Variants in PCDHA10 observed in about 807,000 individuals in gnomAD.
PCDHA10 encodes the protein protocadherin alpha-10.
Under a neutral mutation model 61.2 loss-of-function variants are expected in PCDHA10, and 45 were observed. That is an observed-to-expected ratio of 0.74 (90% CI 0.58 to 0.94). PCDHA10 has a LOEUF of 0.94. Ranked by LOEUF, PCDHA10 falls within the 40% of genes least tolerant of loss-of-function variation. PCDHA10 has a pLI of 0.00. For synonymous variants in PCDHA10, 602 were observed against 548.8 expected (o/e 1.10, Z -1.35); for missense variants, 1,278 against 1,236.2 (o/e 1.03, Z -0.51).
chr5:140,871,445 A>C, intron 1 of PCDHA10: 1 of 1,609,986 alleles, frequency 6.2e-7, no homozygotes, highest in Non-Finnish European at 8.5e-7. Flanking sequence ...GGTCTGAATA[A>C]AGAGGAGGAA....
At chr5:140,877,909 C>G in intron 1 of PCDHA10, 4 of 1,432,580 alleles carry the variant, frequency 2.8e-6, no homozygotes, top group Non-Finnish European at 3.7e-6. Context: ...TAACTACATT[C>G]TCTCATTTTT....
At chr5:140,969,260 C>G (rs782595245) in intron 1 of PCDHA10, 1 of 1,614,228 alleles carries the variant, frequency 6.2e-7, no homozygotes, top group South Asian at 1.1e-5. Context: ...CAGCAGGAAT[C>G]TCACAGGCCA....
intron 1 of PCDHA10, among the ~76,000 whole-genome samples, chr5:140,871,851 A>G (rs561924103): frequency 6.6e-6 from 1 of 152,382 alleles, no homozygotes; most frequent in East Asian, 1.9e-4. Flanking sequence ...AATTATGACC[A>G]TAATAACTAT....
chr5:140,893,433 G>A (rs1441735373), intron 1 of PCDHA10, among the ~76,000 whole-genome samples: 3 of 152,006 alleles, frequency 2.0e-5, no homozygotes, highest in African/African-American at 4.8e-5. Context: ...CAGGAAGATC[G>A]CTTGAAGCCA....
intron 1 of PCDHA10, chr5:140,870,349 A>G (rs1554164130): frequency 6.2e-7 from 1 of 1,614,154 alleles, no homozygotes; most frequent in Non-Finnish European, 8.5e-7. Context: ...GGACCGCGAG[A>G]ACGTGTGGGC....
At chr5:140,946,295 C>T (rs543000779) in intron 1 of PCDHA10, among the ~76,000 whole-genome samples, 2 of 151,940 alleles carry the variant, frequency 1.3e-5, no homozygotes, top group South Asian at 4.1e-4. Context: ...TCACCTCACA[C>T]CTGGTAGAAT....
Position 140,856,993 on chromosome 5 carries a change from T to C in PCDHA10, c.945T>C (p.Tyr315=), listed in dbSNP as rs201643490. ...DAIDFEDSNT[Y]EIHVDVTDKG... Reference sequence around the variant, plus strand: ...TTGACTTTGAGGACAGTAACACTTATGAAATTCATGTAGATGTTACAGATA... The same window carrying C: ...TTGACTTTGAGGACAGTAACACTTACGAAATTCATGTAGATGTTACAGATA... The change falls in exon 1 of 4, where the codon TAT becomes TAC. Residue 315 remains tyrosine, a synonymous_variant. Coordinates refer to ENST00000307360, the MANE Select transcript of PCDHA10 (RefSeq NM_018901.4). The C allele has an allele frequency of 7.3e-5, 117 of 1,595,326 alleles. 13 individuals are homozygous for C. The highest frequency in any genetic ancestry group is 9.6e-5 in the Non-Finnish European group (112 of 1,165,156).
At chr5:140,945,158 G>C in intron 1 of PCDHA10, among the ~76,000 whole-genome samples, 1 of 151,932 alleles carries the variant, frequency 6.6e-6, no homozygotes, top group Non-Finnish European at 1.5e-5. Flanking sequence ...ATACACTATT[G>C]AACTATCTGA....
At chr5:140,866,149 T>A (rs1554160036) in intron 1 of PCDHA10, 2 of 152,248 alleles carry the variant, frequency 1.3e-5, no homozygotes, top group Non-Finnish European at 2.9e-5. Context: ...GGAAGTGATA[T>A]AAGTAAGAAT....
chr5:140,928,835 C>G (rs782027566), intron 1 of PCDHA10: 1 of 1,614,036 alleles, frequency 6.2e-7, no homozygotes, highest in African/African-American at 1.3e-5. Context: ...CCACTTTCCT[C>G]CTCTGTCACT....
chr5:140,924,824 G>T (rs782384284), intron 1 of PCDHA10, among the ~76,000 whole-genome samples: 5 of 151,742 alleles, frequency 3.3e-5, no homozygotes, highest in African/African-American at 4.8e-5. Context: ...GAACCTGGGA[G>T]GGGGAGGTTG....
intron 1 of PCDHA10, among the ~76,000 whole-genome samples, chr5:140,961,205 T>A (rs1215243152): frequency 1.3e-5 from 2 of 152,172 alleles, no homozygotes; most frequent in African/African-American, 4.8e-5. Context: ...GAGGTTGGTA[T>A]TGATGAAGAA....
intron 3 of PCDHA10, among the ~76,000 whole-genome samples, chr5:140,990,310 C>A (rs1371432693): frequency 3.9e-5 from 6 of 152,110 alleles, no homozygotes; most frequent in African/African-American, 1.2e-4. Context: ...CTGTAAAAAA[C>A]CAACCAAACA....
intron 1 of PCDHA10, among the ~76,000 whole-genome samples, chr5:140,931,209 A>G (rs1554208285): frequency 6.6e-6 from 1 of 152,184 alleles, no homozygotes; most frequent in African/African-American, 2.4e-5. Flanking sequence ...CTAGTATTTC[A>G]GGTATCAGAG....
At chr5:140,968,029 GGT>G in intron 1 of PCDHA10, 1 of 1,614,170 alleles carries the variant, frequency 6.2e-7, no homozygotes, top group African/African-American at 1.3e-5. Context: ...CCTATACACT[GGT>G]GGTGAGCGGC....
At chr5:141,003,328 G>C (rs941196932) in intron 3 of PCDHA10, among the ~76,000 whole-genome samples, 1 of 152,102 alleles carries the variant, frequency 6.6e-6, no homozygotes, top group Admixed American at 6.5e-5. Flanking sequence ...AGAGGGCAGG[G>C]TTTTTTGTTT....
chr5:140,994,317 T>A (rs1053879490), intron 3 of PCDHA10, among the ~76,000 whole-genome samples: 7 of 152,086 alleles, frequency 4.6e-5, no homozygotes, highest in African/African-American at 1.7e-4. Flanking sequence ...GCCCAAACAC[T>A]CTCAGCAACC....
In PCDHA10 at chr5:140,919,817, T is replaced by C. The variant is rs889103078; in HGVS notation, c.2389-59132T>C. Among the ~76,000 whole-genome samples the C allele has an allele frequency of 4.6e-5, 7 of 152,350 alleles. No homozygotes were observed. In the South Asian group the frequency reaches 1.0e-3, roughly 23 times the overall value. On this transcript the variant is annotated intron_variant, in intron 1 of 3. Coordinates refer to ENST00000307360, the MANE Select transcript of PCDHA10 (RefSeq NM_018901.4). ...TGGATTGAATTGTGGGCCTCAAAAA[T>C]ATATGTCCACATAGTAACCTTTGGA...
At chr5:140,870,099 C>T in intron 1 of PCDHA10, 8 of 1,613,912 alleles carry the variant, frequency 5.0e-6, no homozygotes, top group Non-Finnish European at 6.8e-6. Context: ...TGGCAGGTCA[C>T]TGTACAGTCT....
Sources: allele counts gnomAD v4.1 joint callset (sites outside exome capture counted in the v4.1 genomes callset), GRCh38; gene constraint gnomAD v4.1.1; transcripts MANE v1.5; gene names NCBI Gene and HGNC (gene_info 2026-07-23, HGNC 2026-07-21).